The following MTA3 variants were observed in gnomAD, a reference collection of about 807,000 sequenced individuals.
The protein encoded by MTA3 is metastasis associated 1 family member 3, also known as metastasis-associated protein MTA3.
MTA3 carries 34 observed loss-of-function variants against 83.5 expected under a neutral mutation model. That is an observed-to-expected ratio of 0.41 (90% CI 0.31 to 0.54). The LOEUF (loss-of-function observed/expected upper bound fraction) is 0.54. Ranked by LOEUF, MTA3 falls within the 20% of genes least tolerant of loss-of-function variation. The probability of loss-of-function intolerance (pLI) is 0.33; values close to 1 mark genes in which losing one functional copy is unlikely to be tolerated. For synonymous variants in MTA3, 303 were observed against 252.7 expected (o/e 1.20, Z -1.89); for missense variants, 761 against 726.4 (o/e 1.05, Z -0.55).
chr2:42,646,242 G>T (rs137882900), intron 6 of MTA3, among the ~76,000 whole-genome samples: 2 of 152,312 alleles, frequency 1.3e-5, no homozygotes, highest in African/African-American at 4.8e-5. Context: ...CTTCACCCAA[G>T]AGCTCTGATG....
At chr2:42,738,096 T>C (rs1668738725) in intron 16 of MTA3, among the ~76,000 whole-genome samples, 1 of 152,106 alleles carries the variant, frequency 6.6e-6, no homozygotes, top group African/African-American at 2.4e-5. Context: ...ACCTTGTCCC[T>C]ACAAAAAATA....
intron 1 of MTA3, chr2:42,569,731 A>AT (rs1362873582): frequency 1.3e-5 from 2 of 152,180 alleles, no homozygotes; most frequent in Admixed American, 6.5e-5. Flanking sequence ...CACTTGAAAA[A>AT]TTTTATCCTT....
intron 4 of MTA3, among the ~76,000 whole-genome samples, chr2:42,620,986 C>A (rs192128795): frequency 4.1e-4 from 62 of 152,190 alleles, no homozygotes; most frequent in Non-Finnish European, 6.6e-4. Flanking sequence ...TAGTTGTCAG[C>A]CATTCACAAT....
chr2:42,533,457 A>G (rs1396155312), intron 2 of MTA3: 1 of 151,506 alleles, frequency 6.6e-6, no homozygotes, highest in East Asian at 1.9e-4. Context: ...AGTTACTGGA[A>G]GATGGCGGTT....
intron 3 of MTA3, among the ~76,000 whole-genome samples, chr2:42,603,461 T>C (rs1198606686): frequency 6.6e-6 from 1 of 152,206 alleles, no homozygotes; most frequent in Non-Finnish European, 1.5e-5. Context: ...TATTACAGTA[T>C]TGGGCAGCTT....
intron 9 of MTA3, among the ~76,000 whole-genome samples, chr2:42,684,470 T>C (rs777584256): frequency 2.6e-5 from 4 of 152,250 alleles, no homozygotes; most frequent in Non-Finnish European, 5.9e-5. Context: ...TTACATGCCA[T>C]GATTTAAATT....
At chr2:42,712,949 C>T (rs2104519086) in intron 14 of MTA3, 1 of 152,196 alleles carries the variant, frequency 6.6e-6, no homozygotes, top group East Asian at 1.9e-4. Context: ...CTGTTATTGT[C>T]ATCAGACGTT....
chr2:42,587,053 T>C (rs6717652), intron 3 of MTA3, among the ~76,000 whole-genome samples: 117,683 of 151,168 alleles, frequency 0.78, 46,608 homozygotes, highest in African/African-American at 0.92. Flanking sequence ...ATTAGTCAGG[T>C]GTGGTGGCAG....
chr2:42,576,094 G>C (rs1679002186), intron 2 of MTA3, among the ~76,000 whole-genome samples: 1 of 152,172 alleles, frequency 6.6e-6, no homozygotes. Context: ...TTGAGTACCT[G>C]TTTTGTACCA....
At chr2:42,675,265 A>G (rs575083508) in intron 8 of MTA3, among the ~76,000 whole-genome samples, 7 of 152,084 alleles carry the variant, frequency 4.6e-5, no homozygotes, top group African/African-American at 1.7e-4. Context: ...CCTCCTGAGC[A>G]GCTGGGACTA....
chr2:42,749,142 G>A (rs1263987570), intron 16 of MTA3, among the ~76,000 whole-genome samples: 4 of 152,222 alleles, frequency 2.6e-5, no homozygotes, highest in Admixed American at 2.6e-4. Flanking sequence ...AGTAATGTGA[G>A]GGGAGTTTGT....
intron 8 of MTA3, among the ~76,000 whole-genome samples, chr2:42,662,965 G>T (rs893602217): frequency 8.3e-6 from 1 of 120,444 alleles, no homozygotes; most frequent in African/African-American, 3.3e-5. Flanking sequence ...TCCTGACCTC[G>T]TGATCTGCCC....
At chr2:42,568,910 A>T in intron 1 of MTA3, 137 bp downstream of exon 1, 1 of 895,686 alleles carries the variant, frequency 1.1e-6, no homozygotes, top group Non-Finnish European at 1.4e-6. Flanking sequence ...CGGGGCCCGC[A>T]GAGGGGCCGG....
chr2:42,552,957 T>TA (rs765193351), intron 2 of MTA3, among the ~76,000 whole-genome samples: 309 of 123,898 alleles, frequency 2.5e-3, no homozygotes, highest in African/African-American at 3.6e-3. Context: ...CTCAAAAAAT[T>TA]AAAAAAAAAA....
intron 2 of MTA3, among the ~76,000 whole-genome samples, chr2:42,534,253 A>G (rs111438632): frequency 8.5e-5 from 13 of 152,258 alleles, no homozygotes; most frequent in South Asian, 6.2e-4. Context: ...GATTTCTCCA[A>G]TACACTTCAG....
At chr2:42,696,555 G>T (rs1231976708) in intron 10 of MTA3, among the ~76,000 whole-genome samples, 1 of 147,754 alleles carries the variant, frequency 6.8e-6, no homozygotes, top group Non-Finnish European at 1.5e-5. Context: ...TATATATGTA[G>T]GTTATACAGT....
rs183672219 is a variant in MTA3, at chr2:42,640,950, A to G, written c.381+714A>G. 7.6e-4 allele frequency among the ~76,000 whole-genome samples: 116 copies of G among 152,234 alleles called. 1 individual carries two copies. The highest frequency in any genetic ancestry group is 6.5e-3 in the Admixed American group (99 of 15,288). ...GAGACAAAGTCTTGCTCTGTCCCCC[A>G]TTCTGGAACGCAGTGACGTGATCTT... On this transcript the variant is annotated intron_variant, in intron 5 of 16. Transcript: ENST00000405094.
intron 5 of MTA3, among the ~76,000 whole-genome samples, chr2:42,640,727 A>G (rs942494246): frequency 3.3e-5 from 5 of 152,224 alleles, no homozygotes; most frequent in African/African-American, 1.2e-4. Context: ...GAGATAGAGC[A>G]TACGCTTCAT....
At chr2:42,747,513 C>T (rs907222563) in intron 16 of MTA3, among the ~76,000 whole-genome samples, 6 of 151,888 alleles carry the variant, frequency 4.0e-5, no homozygotes, top group African/African-American at 1.4e-4. Context: ...GAAAGGGGGG[C>T]AGGAGAAGGT....
Sources: gnomAD v4.1 joint callset for allele counts (sites outside exome capture counted in the v4.1 genomes callset) on GRCh38, gnomAD v4.1.1 for gene constraint, MANE v1.5 for transcripts, NCBI Gene and HGNC (gene_info 2026-07-23, HGNC 2026-07-21) for gene names.